The following ZSCAN25 variants were observed in gnomAD, a reference collection of about 807,000 sequenced individuals.
ZSCAN25 encodes the protein zinc finger and SCAN domain containing 25, also known as zinc finger and SCAN domain-containing protein 25.
Under a neutral mutation model 38.7 loss-of-function variants are expected in ZSCAN25, and 27 were observed. That is an observed-to-expected ratio of 0.70 (90% CI 0.51 to 0.96). ZSCAN25 has a LOEUF of 0.96. Ranked by LOEUF, ZSCAN25 falls within the 40% of genes least tolerant of loss-of-function variation. The pLI is 0.00. For synonymous variants in ZSCAN25, 273 were observed against 277.7 expected, an observed-to-expected ratio of 0.98 and a Z score of 0.17; for missense variants, 637 against 705.9, an observed-to-expected ratio of 0.90 and a Z score of 1.11.
chr7:99,626,365 C>T (rs1807470928), intron 7 of ZSCAN25, among the ~76,000 whole-genome samples: 1 of 152,106 alleles, frequency 6.6e-6, no homozygotes, highest in Non-Finnish European at 1.5e-5. Flanking sequence ...TTTTTCTGCG[C>T]AGAGTAATGT....
chr7:99,654,583 T>C, the ZSCAN25 span, among the ~76,000 whole-genome samples: 1 of 152,234 alleles, frequency 6.6e-6, no homozygotes, highest in Non-Finnish European at 1.5e-5. Context: ...TTATAATCCT[T>C]TGGGTATATA....
chr7:99,735,363 A>C, the ZSCAN25 span, among the ~76,000 whole-genome samples: 3,813 of 151,636 alleles, frequency 0.025, 80 homozygotes, highest in Non-Finnish European at 0.034. Flanking sequence ...CCATTGAGTT[A>C]ATATTCTATG....
rs1468512349 is a variant in ZSCAN25 at position 99,629,386 on chromosome 7, T to C, written c.1001T>C (p.Leu334Pro). 1 of 1,614,198 alleles carries C rather than the reference T, an allele frequency of 6.2e-7. No homozygotes were observed. Among genetic ancestry groups the C allele is most frequent in the South Asian group, 1.1e-5 (1 of 91,086 alleles). The change falls in exon 8 of 8, where the codon CTG becomes CCG. Residue 334 changes from leucine to proline, a missense_variant. By Grantham distance (98) the Leu-to-Pro change is moderately conservative (BLOSUM62 -3). Transcript: ENST00000394152. The surrounding 1 kb of genome is among the most constrained non-coding windows in gnomAD (Gnocchi z 5.6). Reference sequence around the variant, plus strand: ...CCTCCCCAGCACGGTGCCATCCCCCTGCCTGACGAAGTCAAAACCCACAGC... The same window carrying C: ...CCTCCCCAGCACGGTGCCATCCCCCCGCCTGACGAAGTCAAAACCCACAGC... ...LPPPQHGAIP[L>P]PDEVKTHSSF...
the ZSCAN25 span, among the ~76,000 whole-genome samples, chr7:99,723,266 G>A: frequency 6.6e-6 from 1 of 152,064 alleles, no homozygotes; most frequent in Non-Finnish European, 1.5e-5. Flanking sequence ...ACCTTACAAC[G>A]TTCCATTATG....
the ZSCAN25 span, among the ~76,000 whole-genome samples, chr7:99,648,575 A>G: frequency 1.3e-5 from 2 of 152,196 alleles, no homozygotes; most frequent in Non-Finnish European, 2.9e-5. Flanking sequence ...AATACTGGAT[A>G]GTAAAAGCAC....
the ZSCAN25 span, among the ~76,000 whole-genome samples, chr7:99,710,575 C>T: frequency 6.6e-6 from 1 of 152,230 alleles, no homozygotes; most frequent in African/African-American, 2.4e-5. Context: ...CAACCATTCC[C>T]TATGCTTCCT....
chr7:99,667,068 A>G, the ZSCAN25 span: 2 of 1,609,242 alleles, frequency 1.2e-6, no homozygotes, highest in Non-Finnish European at 8.5e-7. Context: ...CCTAAAGACT[A>G]GAGTTCAACA....
chr7:99,661,546 T>A, the ZSCAN25 span, among the ~76,000 whole-genome samples: 1 of 152,234 alleles, frequency 6.6e-6, no homozygotes, highest in Admixed American at 6.5e-5. Context: ...ATATTTCTCC[T>A]GAGAGAAGCT....
the ZSCAN25 span, chr7:99,714,688 GAA>G: frequency 7.0e-7 from 1 of 1,429,468 alleles, no homozygotes; most frequent in Non-Finnish European, 9.5e-7. Context: ...GACTTCTGTA[GAA>G]AAAAAAAACC....
the ZSCAN25 span, among the ~76,000 whole-genome samples, chr7:99,651,494 T>C: frequency 2.0e-5 from 3 of 152,066 alleles, no homozygotes; most frequent in South Asian, 6.2e-4. Context: ...GCAGGAAACA[T>C]AGAAGTCCTC....
chr7:99,623,686 A>G (rs1807201490), intron 6 of ZSCAN25, among the ~76,000 whole-genome samples: 1 of 152,222 alleles, frequency 6.6e-6, no homozygotes, highest in African/African-American at 2.4e-5. Context: ...TTGTACCATA[A>G]TAGTTCTTCG....
chr7:99,700,012 GC>G, the ZSCAN25 span: 11 of 1,610,594 alleles, frequency 6.8e-6, no homozygotes, highest in African/African-American at 1.2e-4. Flanking sequence ...GGTTTCCACC[GC>G]CAAATTTGGG....
chr7:99,664,105 A>G, the ZSCAN25 span: 1 of 1,551,756 alleles, frequency 6.4e-7, no homozygotes, highest in African/African-American at 1.4e-5. Context: ...ACTGTGGGAA[A>G]AACAAAACAA....
At chr7:99,645,962 T>C in the ZSCAN25 span, among the ~76,000 whole-genome samples, 280 of 152,332 alleles carry the variant, frequency 1.8e-3, 1 homozygote, top group African/African-American at 6.3e-3. Flanking sequence ...TTCTGTTCCA[T>C]TGGTCTATGT....
chr7:99,705,529 A>T, the ZSCAN25 span: 1 of 1,613,626 alleles, frequency 6.2e-7, no homozygotes, highest in Non-Finnish European at 8.5e-7. Flanking sequence ...TCATCCCTTG[A>T]CTCAGCCTTT....
the ZSCAN25 span, among the ~76,000 whole-genome samples, chr7:99,658,262 T>G: frequency 0.031 from 4,687 of 152,256 alleles, 226 homozygotes; most frequent in African/African-American, 0.1. Flanking sequence ...CAAGAGCTCT[T>G]TTAGGGCAGG....
the ZSCAN25 span, chr7:99,652,632 A>G: frequency 8.7e-6 from 14 of 1,613,932 alleles, no homozygotes; most frequent in Non-Finnish European, 1.1e-5. Flanking sequence ...ACCACCATTG[A>G]CCCTTTGGGA....
chr7:99,667,136 A>G, the ZSCAN25 span: 1 of 1,395,272 alleles, frequency 7.2e-7, no homozygotes, highest in African/African-American at 1.4e-5. Context: ...AAATATATTG[A>G]AGAGGCATCC....
At chr7:99,716,121 C>T in the ZSCAN25 span, among the ~76,000 whole-genome samples, 1 of 152,150 alleles carries the variant, frequency 6.6e-6, no homozygotes, top group Admixed American at 6.6e-5. Flanking sequence ...GATGGAGACA[C>T]TCAACTGAGT....
Sources: gnomAD v4.1 joint callset for allele counts (sites outside exome capture counted in the v4.1 genomes callset) on GRCh38, gnomAD v4.1.1 for gene constraint, Gnocchi (gnomAD v3.1) non-coding constraint, MANE v1.5 for transcripts, NCBI Gene and HGNC (gene_info 2026-07-23, HGNC 2026-07-21) for gene names.